The following HECW2 variants were observed in gnomAD, a reference collection of about 807,000 sequenced individuals.
The protein encoded by HECW2 is HECT, C2 and WW domain containing E3 ubiquitin protein ligase 2.
A neutral mutation model predicts 175.2 loss-of-function variants in HECW2; 61 were observed. The observed-to-expected ratio is 0.35, with a 90% CI of 0.28 to 0.43. HECW2 has a LOEUF of 0.43. HECW2 is among the 20% of genes least tolerant of loss of function. The pLI is 1.00. For missense variants in HECW2, 1,524 were observed against 2,000.5 expected (o/e 0.76, Z 4.54); for synonymous variants, 671 against 731.0 (o/e 0.92, Z 1.32).
At chr2:196,324,670 G>T (rs1000781988) in intron 6 of HECW2, among the ~76,000 whole-genome samples, 1 of 151,936 alleles carries the variant, frequency 6.6e-6, no homozygotes, top group Non-Finnish European at 1.5e-5. Flanking sequence ...TATTTTAAAT[G>T]TTCATATTTT....
intron 13 of HECW2, among the ~76,000 whole-genome samples, chr2:196,300,228 C>T (rs13394918): frequency 0.28 from 42,589 of 152,030 alleles, 6,160 homozygotes; most frequent in Middle Eastern, 0.35. Context: ...GTAAACAAAG[C>T]TTCATTGGAA....
At chr2:196,509,721 A>G (rs1687882612) in intron 1 of HECW2, among the ~76,000 whole-genome samples, 1 of 152,212 alleles carries the variant, frequency 6.6e-6, no homozygotes, top group Non-Finnish European at 1.5e-5. Context: ...AAAAGATAGT[A>G]CCACATTGCC....
chr2:196,367,644 T>C (rs1693781645), intron 2 of HECW2, among the ~76,000 whole-genome samples: 2 of 152,126 alleles, frequency 1.3e-5, no homozygotes, highest in Non-Finnish European at 2.9e-5. Flanking sequence ...CGCAACCCAC[T>C]ACCCTTCCCA....
At chr2:196,331,204 A>G (rs1692345427) in intron 4 of HECW2, 1 of 985,346 alleles carries the variant, frequency 1.0e-6, no homozygotes, top group Non-Finnish European at 1.2e-6. Flanking sequence ...CCTTCCATCT[A>G]TAGATCCAAT....
At chr2:196,433,504 G>T in intron 1 of HECW2, 46 bp from the exon 2 acceptor site, 2 of 1,388,718 alleles carry the variant, frequency 1.4e-6, no homozygotes, top group Non-Finnish European at 2.0e-6. Context: ...ACAATACGAA[G>T]AATCAGATTT....
chr2:196,444,360 A>G (rs2125295793), intron 1 of HECW2, among the ~76,000 whole-genome samples: 1 of 152,362 alleles, frequency 6.6e-6, no homozygotes, highest in East Asian at 1.9e-4. Context: ...TCCAGAAAAG[A>G]CCAACTGTAT....
intron 1 of HECW2, among the ~76,000 whole-genome samples, chr2:196,534,758 C>A (rs1380673547): frequency 6.6e-6 from 1 of 152,186 alleles, no homozygotes. Flanking sequence ...TTGTCAGTCT[C>A]TACTGTGAAA....
intron 2 of HECW2, among the ~76,000 whole-genome samples, chr2:196,419,462 T>C (rs1695349679): frequency 6.6e-6 from 1 of 152,210 alleles, no homozygotes; most frequent in Non-Finnish European, 1.5e-5. Flanking sequence ...CAATTTCACA[T>C]GAAGTCCAAA....
chr2:196,348,613 A>C (rs1235634919), intron 2 of HECW2, among the ~76,000 whole-genome samples: 1 of 152,202 alleles, frequency 6.6e-6, no homozygotes, highest in Non-Finnish European at 1.5e-5. Flanking sequence ...GCACCACTGC[A>C]CTGTAGCCCA....
chr2:196,350,915 G>A (rs1693148738), intron 2 of HECW2, among the ~76,000 whole-genome samples: 1 of 152,190 alleles, frequency 6.6e-6, no homozygotes, highest in African/African-American at 2.4e-5. Flanking sequence ...AGTTTACGGA[G>A]ATCTCCTTTG....
At chr2:196,485,708 A>C (rs1686978661) in intron 1 of HECW2, among the ~76,000 whole-genome samples, 1 of 152,228 alleles carries the variant, frequency 6.6e-6, no homozygotes. Context: ...TAGGAAAGCT[A>C]CTGGGAAGGA....
At chr2:196,352,795 A>C (rs958255345) in intron 2 of HECW2, among the ~76,000 whole-genome samples, 24 of 152,356 alleles carry the variant, frequency 1.6e-4, no homozygotes, top group African/African-American at 5.8e-4. Flanking sequence ...TGACAAGGAA[A>C]AGAAATTACT....
intron 22 of HECW2, among the ~76,000 whole-genome samples, 198 bp from the exon 23 acceptor site, chr2:196,226,068 C>A (rs1214920268): frequency 6.6e-6 from 1 of 152,148 alleles, no homozygotes; most frequent in Non-Finnish European, 1.5e-5. Context: ...CTTGTCCCTG[C>A]CCAAATGTCA....
At chr2:196,203,685 T>C (rs895191014) in intron 28 of HECW2, among the ~76,000 whole-genome samples, 1 of 152,220 alleles carries the variant, frequency 6.6e-6, no homozygotes, top group Admixed American at 6.5e-5. Context: ...CCCGATTAAC[T>C]TTTCAGTATT....
At chr2:196,588,594 A>G (rs1691070828) in intron 1 of HECW2, among the ~76,000 whole-genome samples, 1 of 152,246 alleles carries the variant, frequency 6.6e-6, no homozygotes, top group South Asian at 2.1e-4. Flanking sequence ...TAAGTGGTTT[A>G]TTTCAAACCT....
At chr2:196,483,404 T>C (rs992709768) in intron 1 of HECW2, among the ~76,000 whole-genome samples, 1 of 152,238 alleles carries the variant, frequency 6.6e-6, no homozygotes, top group Non-Finnish European at 1.5e-5. Flanking sequence ...TTTAGTTTGA[T>C]AAGTGTGACA....
chr2:196,379,578 A>G (rs36111269), intron 2 of HECW2, among the ~76,000 whole-genome samples: 38,370 of 151,246 alleles, frequency 0.25, 6,242 homozygotes, highest in African/African-American at 0.46. Context: ...CCAGCTACTC[A>G]GGAGGCTGAG....
chr2:196,461,992 T>A (rs1424628764), intron 1 of HECW2, among the ~76,000 whole-genome samples: 1 of 152,084 alleles, frequency 6.6e-6, no homozygotes, highest in African/African-American at 2.4e-5. Flanking sequence ...AAAACCCAAA[T>A]GTCCATCAAT....
intron 1 of HECW2, among the ~76,000 whole-genome samples, chr2:196,568,484 T>C (rs938160816): frequency 2.6e-5 from 4 of 152,234 alleles, no homozygotes; most frequent in Admixed American, 6.5e-5. Context: ...AGCTTACTTA[T>C]GATTTTTCAA....
Sources: allele counts gnomAD v4.1 joint callset (sites outside exome capture counted in the v4.1 genomes callset), GRCh38; gene constraint gnomAD v4.1.1; transcripts MANE v1.5; gene names NCBI Gene and HGNC (gene_info 2026-07-23, HGNC 2026-07-21).